COL4A2: variants seen among roughly 807,000 people sequenced by gnomAD.
COL4A2 encodes collagen type IV alpha 2 chain.
In COL4A2, 99 loss-of-function variants were observed where a neutral mutation model predicts 200.2. The observed-to-expected ratio is 0.49, with a 90% CI of 0.42 to 0.58. The LOEUF (loss-of-function observed/expected upper bound fraction) is 0.58. Among genes scored for constraint, COL4A2 ranks in the 20% least tolerant of loss-of-function variants. The pLI is 0.00. For missense variants in COL4A2, 1,950 were observed against 2,314.1 expected (o/e 0.84, Z 3.23); for synonymous variants, 897 against 900.6 (o/e 1.00, Z 0.07).
chr13:110,320,170 G>A (rs573567424), intron 3 of COL4A2, among the ~76,000 whole-genome samples: 23 of 152,346 alleles, frequency 1.5e-4, no homozygotes, highest in African/African-American at 3.8e-4. Flanking sequence ...TTTGCCAGGC[G>A]CAGCCGCACA....
intron 4 of COL4A2, among the ~76,000 whole-genome samples, chr13:110,413,935 C>T (rs535288144): frequency 6.6e-6 from 1 of 152,342 alleles, no homozygotes; most frequent in African/African-American, 2.4e-5. Flanking sequence ...GCTGCCCCCT[C>T]ACCTGTCTAC....
intron 4 of COL4A2, among the ~76,000 whole-genome samples, chr13:110,382,499 T>C (rs528115169): frequency 6.6e-6 from 1 of 152,348 alleles, no homozygotes; most frequent in East Asian, 1.9e-4. Context: ...CTTCCTTAGA[T>C]ACTTTGTAAA....
At position 110,499,347 on chromosome 13, in the gene COL4A2, A is replaced by G. The variant is rs150946160; in HGVS notation, c.3761-2321A>G. On this transcript the variant is annotated intron_variant, in intron 40 of 47. Transcript: ENST00000360467. ...AGGGGAAGCAAACACATCCTTCTTCACTGGCGGCAGGAGAGAGAAGTGCTG... is the reference window on the plus strand; with the variant it reads ...AGGGGAAGCAAACACATCCTTCTTCGCTGGCGGCAGGAGAGAGAAGTGCTG... Among the ~76,000 whole-genome samples the G allele has an allele frequency of 1.3e-3, 200 of 152,358 alleles. 3 individuals carry two copies. In the East Asian group the frequency reaches 0.034, roughly 26 times the overall value.
intron 29 of COL4A2, among the ~76,000 whole-genome samples, chr13:110,477,609 C>G (rs1202876182): frequency 1.3e-5 from 2 of 152,190 alleles, no homozygotes; most frequent in African/African-American, 2.4e-5. Flanking sequence ...GGAATACATT[C>G]AATGTGTCCA....
At chr13:110,505,035 G>C (rs111324418) in intron 45 of COL4A2, among the ~76,000 whole-genome samples, 5,470 of 151,722 alleles carry the variant, frequency 0.036, 207 homozygotes, top group East Asian at 0.15. Context: ...CCAATGGTCT[G>C]AGCATTAAAA....
rs544072830 is a variant in COL4A2 at position 110,508,128 on chromosome 13, G to T, written c.4788G>T (p.Pro1596=). Residue 1596 remains proline (P), a synonymous_variant, in exon 47 of 48, where the codon CCG becomes CCT. Coordinates refer to ENST00000360467, the MANE Select transcript of COL4A2 (RefSeq NM_001846.4). The surrounding 1 kb of genome is among the most constrained non-coding windows in gnomAD (Gnocchi z 6.1). ...YISRCSVCEA[P]AIAIAVHSQD... ...GCCGCTGTTCTGTGTGTGAGGCCCC[G>T]GCCATCGCCATCGCGGTCCACAGTC... 1 of 1,614,226 alleles carries T rather than the reference G, an allele frequency of 6.2e-7. No homozygotes were observed. The highest frequency in any genetic ancestry group is 1.3e-5 in the African/African-American group (1 of 75,068).
intron 4 of COL4A2, among the ~76,000 whole-genome samples, chr13:110,367,584 A>G (rs1159792871): frequency 6.6e-6 from 1 of 152,252 alleles, no homozygotes; most frequent in East Asian, 1.9e-4. Context: ...GTATGTCAAG[A>G]GAACCTTACT....
At chr13:110,354,684 T>G (rs1249375269) in intron 3 of COL4A2, among the ~76,000 whole-genome samples, 1 of 151,334 alleles carries the variant, frequency 6.6e-6, no homozygotes, top group Non-Finnish European at 1.5e-5. Flanking sequence ...TAAAGAATTA[T>G]AAGAAGAACA....
At chr13:110,407,989 T>C (rs1879635571) in intron 4 of COL4A2, among the ~76,000 whole-genome samples, 4 of 152,114 alleles carry the variant, frequency 2.6e-5, no homozygotes, top group Admixed American at 6.5e-5. Flanking sequence ...CTAGACCCTC[T>C]AGACAGAGGC....
At chr13:110,317,066 G>A (rs950787035) in intron 3 of COL4A2, among the ~76,000 whole-genome samples, 5 of 142,708 alleles carry the variant, frequency 3.5e-5, no homozygotes, top group African/African-American at 2.6e-5. Flanking sequence ...ACAGGCACAC[G>A]TAGACACACA....
At chr13:110,325,863 A>T (rs752350836) in intron 3 of COL4A2, among the ~76,000 whole-genome samples, 3 of 151,828 alleles carry the variant, frequency 2.0e-5, no homozygotes, top group Non-Finnish European at 4.4e-5. Flanking sequence ...AGCTCACTGA[A>T]ACCTCCACCT....
chr13:110,461,862 A>G (rs1438775148), intron 22 of COL4A2, among the ~76,000 whole-genome samples: 2 of 152,170 alleles, frequency 1.3e-5, no homozygotes, highest in East Asian at 1.9e-4. Flanking sequence ...AATTAAAGAA[A>G]AGGTACCATC....
rs377116358 is a variant in COL4A2, at chr13:110,465,461, G to A, written c.1833G>A (p.Thr611=). 47 of 1,613,956 alleles carry A rather than the reference G, an allele frequency of 2.9e-5. No homozygotes were observed. Among genetic ancestry groups the A allele is most frequent in the Non-Finnish European group, 3.8e-5 (45 of 1,179,990 alleles). The change falls in exon 25 of 48, where the codon ACG becomes ACA. Residue 611 remains threonine, a synonymous_variant. Coordinates refer to ENST00000360467, the MANE Select transcript of COL4A2 (RefSeq NM_001846.4). ...CAGGCTATCCAGGAATACCTGGAAC[G>A]AAGGGTACTCCAGGAGAAATGGGCC... ...GDPGYPGIPG[T]KGTPGEMGPP... is the part of the protein sequence containing the mutation.
rs541706034 is a variant in COL4A2 at position 110,435,984 on chromosome 13, T to G, written c.727-285T>G. 3.5e-4 allele frequency: 164 copies of G among 472,908 alleles called. 3 individuals carry two copies. In the South Asian group the frequency reaches 3.7e-3, roughly 11 times the overall value. The allele number at this position is 472,908 out of a possible 1,614,324, so 29.3% of individuals were successfully genotyped here. The stretch of plus-strand genomic sequence containing the variant: ...CCTAATAATTCCCATATATAGAAAT[T>G]CATTGTAAGGAAACAACCCCACAGA... On this transcript the variant is annotated intron_variant, in intron 12 of 47. Transcript: ENST00000360467.
At chr13:110,453,737 A>G (rs1881624111) in intron 20 of COL4A2, among the ~76,000 whole-genome samples, 1 of 152,236 alleles carries the variant, frequency 6.6e-6, no homozygotes, top group Non-Finnish European at 1.5e-5. Flanking sequence ...GCATCAGATC[A>G]ATGTTAGCAG....
At chr13:110,376,877 G>A (rs1878259850) in intron 4 of COL4A2, among the ~76,000 whole-genome samples, 1 of 152,162 alleles carries the variant, frequency 6.6e-6, no homozygotes, top group Non-Finnish European at 1.5e-5. Context: ...TTGCCTTGGT[G>A]AGGCCAGGTT....
At chr13:110,392,042 G>A (rs1434018853) in intron 4 of COL4A2, among the ~76,000 whole-genome samples, 4 of 152,094 alleles carry the variant, frequency 2.6e-5, no homozygotes, top group Admixed American at 1.3e-4. Flanking sequence ...GGAGGGGAGT[G>A]GTAACAAAGA....
Position 110,512,237 on chromosome 13 carries a change from T to C in COL4A2, c.*46T>C, listed in dbSNP as rs748146837. On this transcript the variant is annotated 3_prime_UTR_variant, in exon 48 of 48. Coordinates refer to ENST00000360467, the MANE Select transcript of COL4A2 (RefSeq NM_001846.4). ...GCCATTTTGGTGCTTATTCTTAACT[T>C]ATTACCTCAGGTGCCAACCCAAAAA... 3.3e-5 allele frequency: 52 copies of C among 1,554,646 alleles called. No individual in the cohort carries two copies. The highest frequency in any genetic ancestry group is 4.5e-5 in the Non-Finnish European group (52 of 1,155,606).
chr13:110,457,573 C>T (rs760823485), intron 21 of COL4A2, 138 bp downstream of exon 21: 3 of 710,008 alleles, frequency 4.2e-6, no homozygotes, highest in Non-Finnish European at 7.8e-6. Flanking sequence ...GCCTCCTGTC[C>T]CCTTGGCGGT....
Sources: gnomAD v4.1 joint callset for allele counts (sites outside exome capture counted in the v4.1 genomes callset) on GRCh38, gnomAD v4.1.1 for gene constraint, Gnocchi (gnomAD v3.1) non-coding constraint, MANE v1.5 for transcripts, NCBI Gene and HGNC (gene_info 2026-07-23, HGNC 2026-07-21) for gene names.